The following CIITA variants were observed in gnomAD, a reference collection of about 807,000 sequenced individuals.
CIITA encodes class II major histocompatibility complex transactivator, also known as MHC class II transactivator.
CIITA carries 72 observed loss-of-function variants against 115.1 expected under a neutral mutation model. That is an observed-to-expected ratio of 0.63 (90% CI 0.52 to 0.76). The LOEUF is 0.76. Ranked by LOEUF, CIITA falls within the 30% of genes least tolerant of loss-of-function variation. The pLI is 0.00. For missense variants in CIITA, 1,617 were observed against 1,463.8 expected, an observed-to-expected ratio of 1.10 and a Z score of -1.71; for synonymous variants, 763 against 635.6, an observed-to-expected ratio of 1.20 and a Z score of -3.02.
chr16:10,919,674 C>A (rs2040168750), intron 16 of CIITA, among the ~76,000 whole-genome samples: 1 of 152,090 alleles, frequency 6.6e-6, no homozygotes, highest in Non-Finnish European at 1.5e-5. Flanking sequence ...TTGTTAATTT[C>A]TTCCCAGCAT....
Position 10,929,295 on chromosome 16 carries a change from G to C in CIITA, c.*5440G>C, listed in dbSNP as rs1474623914. On this transcript the variant is annotated 3_prime_UTR_variant, in exon 20 of 20. Coordinates refer to ENST00000324288, the MANE Select transcript of CIITA (RefSeq NM_000246.4). The surrounding 1 kb of genome is among the most constrained non-coding windows in gnomAD (Gnocchi z 4.3). Reference sequence around the variant, plus strand: ...CTCCGAAGGTGAAGTGGGGGAAGCAGGTGCGCTCCGGGATGAAGTGCAGGG... The same window carrying C: ...CTCCGAAGGTGAAGTGGGGGAAGCACGTGCGCTCCGGGATGAAGTGCAGGG... 1 of 985,872 alleles carries C rather than the reference G, an allele frequency of 1.0e-6. No individual in the cohort carries two copies. Among genetic ancestry groups the C allele is most frequent in the East Asian group, 1.1e-4 (1 of 8,838 alleles). 61.1% of individuals were successfully genotyped at this position (985,872 alleles called of 1,614,324 possible).
chr16:10,933,395 T>C lies in CIITA; in HGVS notation c.*9540T>C, dbSNP rs1447290447. 1 of 152,282 alleles carries C rather than the reference T, an allele frequency of 6.6e-6. No homozygotes were observed. The highest frequency in any genetic ancestry group is 1.5e-5 in the Non-Finnish European group (1 of 68,094). 9.4% of individuals were successfully genotyped at this position (152,282 alleles called of 1,614,324 possible). ...CTGAAAGTGGTAGAAGGGAATTCTT[T>C]CCTAGAGTTCAGCTGCCCGCTGTCC... On this transcript the variant is annotated 3_prime_UTR_variant, in exon 20 of 20. Transcript: ENST00000324288.
At chr16:10,921,314 A>G (rs954263131) in intron 16 of CIITA, among the ~76,000 whole-genome samples, 5 of 152,204 alleles carry the variant, frequency 3.3e-5, no homozygotes, top group African/African-American at 4.8e-5. Flanking sequence ...GACACTCATC[A>G]TGCTATTTTC....
downstream of CIITA, chr16:10,941,310 AAGTCAC>A (rs1472738376): frequency 5.9e-6 from 1 of 169,038 alleles, no homozygotes; most frequent in African/African-American, 2.4e-5. This position sits in a 1 kb window ranked among gnomAD's most constrained non-coding sequence, Gnocchi z 6.4. Flanking sequence ...CTTTGGGGGT[AAGTCAC>A]AGAGCTACCC....
Position 10,906,796 on chromosome 16 carries a change from G to A in CIITA, c.1304G>A (p.Arg435Gln), listed in dbSNP as rs756879407. The part of the protein sequence containing the change: ...GKSYWAGAVS[R>Q]AWACGRLPQY... ...AGCTATTGGGCTGGGGCAGTGAGCC[G>A]GGCCTGGGCTTGTGGCCGGCTTCCC... Residue 435 changes from arginine to glutamine, a missense_variant, in exon 11 of 20, where the codon CGG becomes CAG. Arg to Gln is a conservative substitution (Grantham distance 43). Coordinates refer to ENST00000324288, the MANE Select transcript of CIITA (RefSeq NM_000246.4). 15 of 1,612,078 alleles carry A rather than the reference G, an allele frequency of 9.3e-6. No individual in the cohort carries two copies. In the East Asian group the frequency reaches 1.6e-4, roughly 17 times the overall value.
intron 1 of CIITA, among the ~76,000 whole-genome samples, chr16:10,878,192 C>T (rs1279001851): frequency 1.3e-5 from 2 of 152,062 alleles, no homozygotes; most frequent in Non-Finnish European, 2.9e-5. Context: ...GGGTGGTATC[C>T]CTTTTCTCAG....
chr16:10,932,123 G>A lies in CIITA; in HGVS notation c.*8268G>A, dbSNP rs1342283636. 1 of 152,264 alleles carries A rather than the reference G, an allele frequency of 6.6e-6. No homozygotes were observed. Among genetic ancestry groups the A allele is most frequent in the African/African-American group, 2.4e-5 (1 of 41,450 alleles). The allele number at this position is 152,264 out of a possible 1,614,324, so 9.4% of individuals were successfully genotyped here. A position where few individuals can be genotyped will look rare whatever the true frequency, so the allele number is the denominator to read the frequency against. On this transcript the variant is annotated 3_prime_UTR_variant, in exon 20 of 20. Transcript: ENST00000324288. ...AAGTCACACAGTGAGTCGAGGACAG[G>A]GAGGTGACCCCAGGTTTCTATGTGT...
At position 10,934,304 on chromosome 16, in the gene CIITA, A is replaced by T. The variant is rs1244987755; in HGVS notation, c.*10449A>T. 6.6e-6 allele frequency: 1 copy of T among 152,258 alleles called. No homozygotes were observed. 9.4% of individuals were successfully genotyped at this position (152,258 alleles called of 1,614,324 possible). A position where few individuals can be genotyped will look rare whatever the true frequency, so the allele number is the denominator to read the frequency against. ...TTAATAAGATCATTTATGTCACCAT[A>T]TAACACCCAAAGCAGTAGAATTTGT... On this transcript the variant is annotated 3_prime_UTR_variant, in exon 20 of 20. Coordinates refer to ENST00000324288, the MANE Select transcript of CIITA (RefSeq NM_000246.4). This position sits in a 1 kb window ranked among gnomAD's most constrained non-coding sequence, Gnocchi z 4.2.
Position 10,904,779 on chromosome 16 carries a change from G to A in CIITA, c.973G>A (p.Gly325Arg). 6.2e-7 allele frequency: 1 copy of A among 1,614,158 alleles called. No homozygotes were observed. The highest frequency in any genetic ancestry group is 1.3e-5 in the African/African-American group (1 of 75,044). ...GTCCCCCACCCAATGCCCGGCAGCTGGAGAGGTCTCCAACAAGCTTCCAAA... is the reference window on the plus strand; with the variant it reads ...GTCCCCCACCCAATGCCCGGCAGCTAGAGAGGTCTCCAACAAGCTTCCAAA... ...KTSPTQCPAA[G>R]EVSNKLPKWP... The change falls in exon 10 of 20, where the codon GGA becomes AGA. Residue 325 changes from glycine to arginine, a missense_variant. Gly to Arg is a moderately radical substitution (Grantham distance 125, BLOSUM62 -2). Transcript: ENST00000324288.
chr16:10,939,333 G>A (rs1950750314), downstream of CIITA: 1 of 152,216 alleles, frequency 6.6e-6, no homozygotes, highest in African/African-American at 2.4e-5. This position sits in a 1 kb window ranked among gnomAD's most constrained non-coding sequence, Gnocchi z 4.9. Context: ...AATTGCCAGA[G>A]TCATTTTTGC....
chr16:10,907,281 C>T lies in CIITA; in HGVS notation c.1789C>T (p.Leu597Phe), dbSNP rs201007775. 6.2e-7 allele frequency: 1 copy of T among 1,613,552 alleles called. No homozygotes were observed. The highest frequency in any genetic ancestry group is 1.7e-5 in the Admixed American group (1 of 60,026). ...AGAGCACCAAGACAGAGCCCTGACGCTCCTCCGGGACCGGCCACTTCTTCT... is the reference window on the plus strand; with the variant it reads ...AGAGCACCAAGACAGAGCCCTGACGTTCCTCCGGGACCGGCCACTTCTTCT... ...MTEHQDRALTLLRDRPLLLSH... is the reference protein window; with the variant it reads ...MTEHQDRALTFLRDRPLLLSH... Residue 597 changes from leucine to phenylalanine, a missense_variant, in exon 11 of 20, where the codon CTC becomes TTC. Leu to Phe is a conservative substitution (Grantham distance 22, BLOSUM62 0). Transcript: ENST00000324288. This position sits in a 1 kb window ranked among gnomAD's most constrained non-coding sequence, Gnocchi z 5.0.
At position 10,934,532 on chromosome 16, in the gene CIITA, C is replaced by G. The variant is rs1449697407; in HGVS notation, c.*10677C>G. The G allele has an allele frequency of 6.6e-6, 1 of 152,266 alleles. No individual in the cohort carries two copies. Among genetic ancestry groups the G allele is most frequent in the Non-Finnish European group, 1.5e-5 (1 of 68,086 alleles). 9.4% of individuals were successfully genotyped at this position (152,266 alleles called of 1,614,324 possible). A position where few individuals can be genotyped will look rare whatever the true frequency, so the allele number is the denominator to read the frequency against. On this transcript the variant is annotated 3_prime_UTR_variant, in exon 20 of 20. Coordinates refer to ENST00000324288, the MANE Select transcript of CIITA (RefSeq NM_000246.4). This position sits in a 1 kb window ranked among gnomAD's most constrained non-coding sequence, Gnocchi z 4.2. Reference sequence around the variant, plus strand: ...CTGGGACGCCTCCAGCAGACCACCTCACTGGGGGAAACATCAGGACAGCGT... The same window carrying G: ...CTGGGACGCCTCCAGCAGACCACCTGACTGGGGGAAACATCAGGACAGCGT...
chr16:10,919,503 C>CTTATTTAT (rs55706326), intron 16 of CIITA, among the ~76,000 whole-genome samples: 218 of 149,304 alleles, frequency 1.5e-3, no homozygotes, highest in African/African-American at 3.5e-3. Flanking sequence ...GCCCGGCCAA[C>CTTATTTAT]TTATTTATTT....
At chr16:10,918,893 G>A (rs1359591528) in intron 16 of CIITA, among the ~76,000 whole-genome samples, 1 of 152,138 alleles carries the variant, frequency 6.6e-6, no homozygotes, top group Non-Finnish European at 1.5e-5. Flanking sequence ...AGCTTTTGCC[G>A]GCCTTGTCAC....
chr16:10,898,958 G>C lies in CIITA; in HGVS notation c.392G>C (p.Ser131Thr). The C allele has an allele frequency of 6.2e-7, 1 of 1,614,064 alleles. No individual in the cohort carries two copies. Among genetic ancestry groups the C allele is most frequent in the Non-Finnish European group, 8.5e-7 (1 of 1,180,016 alleles). Residue 131 changes from serine (S) to threonine (T), a missense_variant, in exon 5 of 20, where the codon AGT (serine) becomes ACT (threonine). By Grantham distance (58) the Ser-to-Thr change is moderately conservative. Transcript: ENST00000324288. ...HIGPDEVIGE[S>T]MEMPAEVGQK... ...GGACCAGATGAAGTGATCGGTGAGA[G>C]TATGGAGATGCCAGCAGAAGTTGGG...
At chr16:10,888,758 C>T (rs1048504013) in intron 1 of CIITA, 1 of 152,244 alleles carries the variant, frequency 6.6e-6, no homozygotes, top group African/African-American at 2.4e-5. Flanking sequence ...GCGCCTCTGC[C>T]CTGCCCCCAC....
At position 10,916,276 on chromosome 16, in the gene CIITA, G is replaced by C. The variant is rs532362752; in HGVS notation, c.2970-91G>C. 160 of 1,197,312 alleles carry C rather than the reference G, an allele frequency of 1.3e-4. No individual in the cohort carries two copies. In the African/African-American group the frequency reaches 2.1e-3, roughly 16 times the overall value. 74.2% of individuals were successfully genotyped at this position (1,197,312 alleles called of 1,614,324 possible). A position where few individuals can be genotyped will look rare whatever the true frequency, so the allele number is the denominator to read the frequency against. On this transcript the variant is annotated intron_variant, in intron 14 of 19. Transcript: ENST00000324288. ...TAGAGCTGGGGGGTGGGAAGGGCAG[G>C]TGCCAGGGCTGAGGAGGCCCTCACT...
At position 10,932,437 on chromosome 16, in the gene CIITA, G is replaced by C. The variant is rs534244894; in HGVS notation, c.*8582G>C. 1 of 152,268 alleles carries C rather than the reference G, an allele frequency of 6.6e-6. No individual in the cohort carries two copies. The highest frequency in any genetic ancestry group is 1.9e-4 in the East Asian group (1 of 5,184). 9.4% of individuals were successfully genotyped at this position (152,268 alleles called of 1,614,324 possible). A position where few individuals can be genotyped will look rare whatever the true frequency, so the allele number is the denominator to read the frequency against. On this transcript the variant is annotated 3_prime_UTR_variant, in exon 20 of 20. Coordinates refer to ENST00000324288, the MANE Select transcript of CIITA (RefSeq NM_000246.4). ...AGCTCAGAGAGGTTAAGCAAGCCGT[G>C]CAAGGCCACACAGCTCATAAATGGC...
At position 10,934,943 on chromosome 16, in the gene CIITA, G is replaced by A. The variant is rs1170909708; in HGVS notation, c.*11088G>A. ...TTGGTAACCAGTCCTCAGGAGGAAG[G>A]GCACCCAAGGAAAGGGGGAAGGCTT... On this transcript the variant is annotated 3_prime_UTR_variant, in exon 20 of 20. Transcript: ENST00000324288. This position sits in a 1 kb window ranked among gnomAD's most constrained non-coding sequence, Gnocchi z 4.2. The A allele has an allele frequency of 6.6e-6, 1 of 152,224 alleles. No homozygotes were observed. The highest frequency in any genetic ancestry group is 1.5e-5 in the Non-Finnish European group (1 of 68,028). 9.4% of individuals were successfully genotyped at this position (152,224 alleles called of 1,614,324 possible). A position where few individuals can be genotyped will look rare whatever the true frequency, so the allele number is the denominator to read the frequency against.
Sources: allele counts gnomAD v4.1 joint callset (sites outside exome capture counted in the v4.1 genomes callset), GRCh38; gene constraint gnomAD v4.1.1; non-coding constraint Gnocchi (gnomAD v3.1); transcripts MANE v1.5; gene names NCBI Gene and HGNC (gene_info 2026-07-23, HGNC 2026-07-21).